TMEM108: variants seen among roughly 807,000 people sequenced by gnomAD.
The protein encoded by TMEM108 is cancer/testis antigen 124.
TMEM108 carries 12 observed loss-of-function variants against 35.1 expected under a neutral mutation model. The observed-to-expected ratio is 0.34, with a 90% confidence interval of 0.22 to 0.55. The LOEUF (loss-of-function observed/expected upper bound fraction) is 0.55, where lower values mean the gene tolerates loss of function less well. Among genes scored for constraint, TMEM108 ranks in the 20% least tolerant of loss-of-function variants. The pLI is 0.89. For missense variants in TMEM108, 680 were observed against 753.3 expected (o/e 0.90, Z 1.14); for synonymous variants, 287 against 308.6 (o/e 0.93, Z 0.73).
chr3:133,175,540 T>G (rs1198805040), intron 2 of TMEM108, among the ~76,000 whole-genome samples: 1 of 152,100 alleles, frequency 6.6e-6, no homozygotes, highest in Non-Finnish European at 1.5e-5. Flanking sequence ...AGAAAAGAAT[T>G]TTCAACCCAG....
rs147050128 is a variant in TMEM108, at chr3:133,299,747, T to A, written c.40+70396T>A. 2.0e-5 allele frequency among the ~76,000 whole-genome samples: 3 copies of A among 152,252 alleles called. No individual in the cohort carries two copies. In the East Asian group the frequency reaches 5.8e-4, roughly 29 times the overall value. ...TTTGGGAGAGCCAGGCCATCATACG[T>A]CTTCAACCCAACACACACACACTCT... On this transcript the variant is annotated intron_variant, in intron 3 of 5. Coordinates refer to ENST00000321871, the MANE Select transcript of TMEM108 (RefSeq NM_023943.4).
chr3:133,331,244 G>A (rs529580665), intron 3 of TMEM108, among the ~76,000 whole-genome samples: 1 of 152,282 alleles, frequency 6.6e-6, no homozygotes, highest in East Asian at 1.9e-4. Context: ...ATATACTGAC[G>A]TTTGGTGTGG....
intron 1 of TMEM108, among the ~76,000 whole-genome samples, chr3:133,039,553 A>T (rs1170300001): frequency 6.6e-6 from 1 of 152,222 alleles, no homozygotes; most frequent in Non-Finnish European, 1.5e-5. Flanking sequence ...CAAGCTATGG[A>T]AAGTATTCCC....
intron 3 of TMEM108, among the ~76,000 whole-genome samples, chr3:133,311,223 G>A (rs1050298282): frequency 6.6e-6 from 1 of 152,152 alleles, no homozygotes; most frequent in African/African-American, 2.4e-5. Flanking sequence ...GAGTATCTTT[G>A]TGGTGTTTTC....
intron 2 of TMEM108, among the ~76,000 whole-genome samples, chr3:133,056,282 C>T (rs1272002017): frequency 1.3e-5 from 2 of 152,200 alleles, no homozygotes; most frequent in Non-Finnish European, 2.9e-5. Flanking sequence ...TGGTCCCGTT[C>T]TCTCCTCCCT....
intron 3 of TMEM108, among the ~76,000 whole-genome samples, chr3:133,267,856 T>A (rs898125405): frequency 2.0e-5 from 3 of 152,196 alleles, no homozygotes; most frequent in African/African-American, 7.2e-5. Context: ...CCAGAGTGAA[T>A]GATTGAAGAG....
At chr3:133,107,210 T>G (rs1017130252) in intron 2 of TMEM108, among the ~76,000 whole-genome samples, 6 of 152,186 alleles carry the variant, frequency 3.9e-5, no homozygotes, top group African/African-American at 1.4e-4. Context: ...GAGGAGTCAC[T>G]AAGAAATTAA....
intron 3 of TMEM108, among the ~76,000 whole-genome samples, chr3:133,339,213 A>G (rs578056488): frequency 6.6e-6 from 1 of 152,038 alleles, no homozygotes; most frequent in African/African-American, 2.4e-5. Context: ...AGTTGCCTAT[A>G]AGAAACACAC....
At chr3:133,121,697 T>G (rs1944354128) in intron 2 of TMEM108, among the ~76,000 whole-genome samples, 1 of 152,214 alleles carries the variant, frequency 6.6e-6, no homozygotes, top group Admixed American at 6.5e-5. Flanking sequence ...TGTCTGGCTT[T>G]CAGAGATTTC....
intron 3 of TMEM108, among the ~76,000 whole-genome samples, chr3:133,357,537 C>A (rs541502295): frequency 6.6e-6 from 1 of 152,238 alleles, no homozygotes; most frequent in East Asian, 1.9e-4. Context: ...AAGTGCCCAC[C>A]AACCAACGAA....
chr3:133,201,333 A>G (rs1258544151), intron 2 of TMEM108, among the ~76,000 whole-genome samples: 2 of 152,148 alleles, frequency 1.3e-5, no homozygotes, highest in Non-Finnish European at 2.9e-5. Flanking sequence ...GTTCTGGGAT[A>G]CATGTGCAGA....
intron 2 of TMEM108, among the ~76,000 whole-genome samples, chr3:133,133,833 G>A (rs181956844): frequency 6.6e-6 from 1 of 151,664 alleles, no homozygotes; most frequent in Admixed American, 6.6e-5. Flanking sequence ...GCGCGATCTC[G>A]GCTCACTGCA....
At chr3:133,267,982 G>A (rs996239552) in intron 3 of TMEM108, among the ~76,000 whole-genome samples, 11 of 152,294 alleles carry the variant, frequency 7.2e-5, no homozygotes, top group Admixed American at 6.5e-4. Flanking sequence ...ACAAAGGCAC[G>A]AAACAGGGAT....
intron 5 of TMEM108, among the ~76,000 whole-genome samples, 195 bp from the exon 6 acceptor site, chr3:133,395,669 A>C (rs1197301): frequency 0.32 from 48,181 of 151,806 alleles, 8,772 homozygotes; most frequent in East Asian, 0.44. Context: ...AAATATACAC[A>C]TACACACACA....
At position 133,177,400 on chromosome 3, in the gene TMEM108, G is replaced by C. The variant is rs553127663; in HGVS notation, c.-46-51866G>C. Among the ~76,000 whole-genome samples the C allele has an allele frequency of 7.9e-5, 12 of 152,278 alleles. No individual in the cohort carries two copies. The South Asian group carries it at 2.3e-3, about 29-fold the overall frequency. On this transcript the variant is annotated intron_variant, in intron 2 of 5. Transcript: ENST00000321871. ...TAGACCAATATCCCTGATGAACATT[G>C]ATGCAAAAAATCCTCAATAAAATAC... is the stretch of plus-strand genomic sequence containing the variant.
At chr3:133,059,768 T>G (rs1430755659) in intron 2 of TMEM108, among the ~76,000 whole-genome samples, 2 of 152,236 alleles carry the variant, frequency 1.3e-5, no homozygotes, top group Non-Finnish European at 2.9e-5. Context: ...TTTGTTAAAG[T>G]TGTTCTGTTC....
chr3:133,073,484 T>TTGTCTC (rs1553729912), intron 2 of TMEM108, among the ~76,000 whole-genome samples: 1 of 55,632 alleles, frequency 1.8e-5, no homozygotes, highest in African/African-American at 1.1e-4. Flanking sequence ...TAGTATTCTA[T>TTGTCTC]TCTCTCTCTC....
At chr3:133,253,165 G>A (rs368622878) in intron 3 of TMEM108, among the ~76,000 whole-genome samples, 1 of 152,222 alleles carries the variant, frequency 6.6e-6, no homozygotes. Context: ...AGGGTTGACT[G>A]TACAGAGAAA....
intron 3 of TMEM108, among the ~76,000 whole-genome samples, chr3:133,325,825 G>A (rs1198250767): frequency 1.3e-5 from 2 of 151,648 alleles, no homozygotes; most frequent in African/African-American, 4.8e-5. Flanking sequence ...CTGGGAATTT[G>A]AATACTAATA....
Sources: gnomAD v4.1 joint callset for allele counts (sites outside exome capture counted in the v4.1 genomes callset) on GRCh38, gnomAD v4.1.1 for gene constraint, MANE v1.5 for transcripts, NCBI Gene and HGNC (gene_info 2026-07-23, HGNC 2026-07-21) for gene names.